ATP9B: variants seen among roughly 807,000 people sequenced by gnomAD.
ATP9B encodes probable phospholipid-transporting ATPase IIB.
In ATP9B, 110 loss-of-function variants were observed where a neutral mutation model predicts 146.1. The observed-to-expected ratio is 0.75, with a 90% CI of 0.65 to 0.88. The LOEUF (loss-of-function observed/expected upper bound fraction) is 0.88. Ranked by LOEUF, ATP9B falls within the 40% of genes least tolerant of loss-of-function variation. ATP9B has a pLI of 0.00. For missense variants in ATP9B, 1,499 were observed against 1,496.4 expected (o/e 1.00, Z -0.03); for synonymous variants, 604 against 569.7 (o/e 1.06, Z -0.86).
intron 13 of ATP9B, among the ~76,000 whole-genome samples, chr18:79,289,633 A>G (rs1423189547): frequency 6.6e-6 from 1 of 152,214 alleles, no homozygotes; most frequent in Non-Finnish European, 1.5e-5. Context: ...TTCTCCGTCC[A>G]GCTTTGTTCT....
At chr18:79,222,218 G>A (rs1348422433) in intron 11 of ATP9B, among the ~76,000 whole-genome samples, 1 of 152,020 alleles carries the variant, frequency 6.6e-6, no homozygotes, top group African/African-American at 2.4e-5. Context: ...AATTAGCCGG[G>A]CGTGGTGGCA....
Position 79,262,926 on chromosome 18 carries a change from C to G in ATP9B, c.1268+9385C>G, listed in dbSNP as rs139083927. On this transcript the variant is annotated intron_variant, in intron 12 of 29. Coordinates refer to ENST00000426216, the MANE Select transcript of ATP9B (RefSeq NM_198531.5). The stretch of plus-strand genomic sequence containing the variant: ...AAATATATTTTTGCACAATTCATTT[C>G]ATTTCTTTTGAAATAATCACTGTCT... Among the ~76,000 whole-genome samples, 207 of 152,174 alleles carry G rather than the reference C, an allele frequency of 1.4e-3. 1 individual carries two copies. Among genetic ancestry groups the G allele is most frequent in the African/African-American group, 4.8e-3 (199 of 41,524 alleles).
intron 7 of ATP9B, among the ~76,000 whole-genome samples, chr18:79,156,682 A>T (rs1364615725): frequency 1.3e-5 from 2 of 152,186 alleles, no homozygotes; most frequent in Non-Finnish European, 2.9e-5. Flanking sequence ...TGCAAGTGGC[A>T]TTATTTGCTT....
At chr18:79,290,765 C>G (rs114480618) in intron 13 of ATP9B, among the ~76,000 whole-genome samples, 1 of 152,208 alleles carries the variant, frequency 6.6e-6, no homozygotes, top group Non-Finnish European at 1.5e-5. Flanking sequence ...TGGCTGCCCC[C>G]CTTCCATTTC....
At chr18:79,204,036 A>G (rs1186124070) in intron 9 of ATP9B, among the ~76,000 whole-genome samples, 1 of 152,154 alleles carries the variant, frequency 6.6e-6, no homozygotes. Flanking sequence ...TAAAGTTGAT[A>G]TTTTGGTTGT....
At chr18:79,192,209 C>T (rs2095373171) in intron 8 of ATP9B, among the ~76,000 whole-genome samples, 1 of 152,164 alleles carries the variant, frequency 6.6e-6, no homozygotes, top group African/African-American at 2.4e-5. Flanking sequence ...ACCTCTGCTT[C>T]TTCATGTCTG....
At chr18:79,127,396 C>T (rs998687444) in intron 5 of ATP9B, among the ~76,000 whole-genome samples, 3 of 152,044 alleles carry the variant, frequency 2.0e-5, no homozygotes, top group Non-Finnish European at 1.5e-5. Context: ...TCCAGGCAGC[C>T]GCCGTTCTCC....
chr18:79,271,957 T>A (rs1185528984), intron 12 of ATP9B, among the ~76,000 whole-genome samples: 1 of 152,208 alleles, frequency 6.6e-6, no homozygotes, highest in Non-Finnish European at 1.5e-5. Flanking sequence ...GGTATCTCAT[T>A]GTGGTTTTGA....
chr18:79,211,437 T>G (rs1032930180), intron 10 of ATP9B, among the ~76,000 whole-genome samples: 1 of 152,210 alleles, frequency 6.6e-6, no homozygotes, highest in African/African-American at 2.4e-5. Context: ...ATAGAATGAC[T>G]TGCAGACCAT....
intron 2 of ATP9B, among the ~76,000 whole-genome samples, chr18:79,105,457 A>C (rs149851830): frequency 6.6e-6 from 1 of 152,230 alleles, no homozygotes; most frequent in Non-Finnish European, 1.5e-5. Flanking sequence ...TTTTAAAATT[A>C]TTATTAAAAG....
intron 28 of ATP9B, among the ~76,000 whole-genome samples, chr18:79,375,004 G>GAA (rs2097094972): frequency 6.6e-6 from 1 of 152,192 alleles, no homozygotes; most frequent in Non-Finnish European, 1.5e-5. Flanking sequence ...CATTAGGGGC[G>GAA]GGTCTGAAGA....
At position 79,347,817 on chromosome 18, in the gene ATP9B, C is replaced by G. The variant is rs138745138; in HGVS notation, c.2730C>G (p.Phe910Leu). 8.7e-6 allele frequency: 14 copies of G among 1,612,610 alleles called. No individual in the cohort carries two copies. Among genetic ancestry groups the G allele is most frequent in the African/African-American group, 4.0e-5 (3 of 74,862 alleles). ...CGGCCGACTTCTCCATCACGCAGTT[C>G]CGGCACATAGGCAGGCTGCTCATGG... Reference protein sequence around the residue: ...SLAADFSITQFRHIGRLLMVH... With the variant: ...SLAADFSITQLRHIGRLLMVH... The change falls in exon 24 of 30, where the codon TTC (phenylalanine) becomes TTG (leucine). Residue 910 changes from phenylalanine (F) to leucine (L), a missense_variant. Phe to Leu is a conservative substitution (Grantham distance 22, BLOSUM62 0). Transcript: ENST00000426216.
intron 20 of ATP9B, chr18:79,343,771 G>A (rs9948968): frequency 0.39 from 74,277 of 191,812 alleles, 14,817 homozygotes; most frequent in Middle Eastern, 0.58. Flanking sequence ...AGCCGTGTCC[G>A]TAACGCTGCG....
chr18:79,337,189 C>G, intron 18 of ATP9B, 90 bp from the exon 19 acceptor site: 2 of 1,443,412 alleles, frequency 1.4e-6, no homozygotes, highest in Non-Finnish European at 9.5e-7. Flanking sequence ...ACCTCCCCCT[C>G]TGTCCCCACA....
intron 16 of ATP9B, 61 bp downstream of exon 16, chr18:79,329,363 AAC>A: frequency 6.9e-7 from 1 of 1,442,820 alleles, no homozygotes; most frequent in East Asian, 2.5e-5. Flanking sequence ...ACACCTTTTA[AAC>A]ACAGATTTTC....
chr18:79,369,401 C>T (rs550847984), intron 26 of ATP9B, among the ~76,000 whole-genome samples: 4 of 152,024 alleles, frequency 2.6e-5, no homozygotes, highest in East Asian at 1.9e-4. Flanking sequence ...GGTGTGGTGG[C>T]GGGCGCCTGT....
intron 7 of ATP9B, among the ~76,000 whole-genome samples, chr18:79,158,307 T>C (rs146508649): frequency 6.6e-6 from 1 of 152,292 alleles, no homozygotes; most frequent in East Asian, 1.9e-4. Flanking sequence ...AGGGTCTTGC[T>C]TTGTTACCCA....
chr18:79,210,143 G>A (rs1028395465), intron 10 of ATP9B, among the ~76,000 whole-genome samples: 7 of 152,260 alleles, frequency 4.6e-5, no homozygotes, highest in Admixed American at 1.3e-4. Context: ...CTGTGCTGCC[G>A]GAGGTTTCAC....
intron 6 of ATP9B, chr18:79,146,673 G>A (rs955388712): frequency 4.0e-5 from 10 of 250,540 alleles, no homozygotes. Flanking sequence ...TGCATTCGGA[G>A]TGTTCTCATC....
Sources: allele counts gnomAD v4.1 joint callset (sites outside exome capture counted in the v4.1 genomes callset), GRCh38; gene constraint gnomAD v4.1.1; transcripts MANE v1.5; gene names NCBI Gene and HGNC (gene_info 2026-07-23, HGNC 2026-07-21).